Variants in SCAPER observed in about 807,000 individuals in gnomAD.
SCAPER encodes the protein S phase cyclin A-associated protein in the endoplasmic reticulum.
In SCAPER, 98 loss-of-function variants were observed where a neutral mutation model predicts 182.2. The observed-to-expected ratio is 0.54, with a 90% CI of 0.46 to 0.64. The LOEUF is 0.64. Ranked by LOEUF, SCAPER falls within the 30% of genes least tolerant of loss-of-function variation. The pLI is 0.00. For synonymous variants in SCAPER, 605 were observed against 564.6 expected, an observed-to-expected ratio of 1.07 and a Z score of -1.01; for missense variants, 1,432 against 1,690.0, an observed-to-expected ratio of 0.85 and a Z score of 2.68.
intron 26 of SCAPER, among the ~76,000 whole-genome samples, chr15:76,426,727 G>C (rs2046462545): frequency 6.6e-6 from 1 of 152,034 alleles, no homozygotes; most frequent in Non-Finnish European, 1.5e-5. Context: ...AAAATTCATA[G>C]AGAACCAAAA....
At chr15:76,813,248 A>AAAAAAAAAAAAAAACAC (rs2066803269) in intron 5 of SCAPER, among the ~76,000 whole-genome samples, 1 of 61,742 alleles carries the variant, frequency 1.6e-5, no homozygotes, top group African/African-American at 3.2e-5. Context: ...AAAAAAAAAA[A>AAAAAAAAAAAAAAACAC]AAAAAAACAA....
chr15:76,701,939 G>T, intron 19 of SCAPER, 74 bp from the exon 20 acceptor site: 1 of 994,180 alleles, frequency 1.0e-6, no homozygotes, highest in Non-Finnish European at 1.6e-6. Flanking sequence ...ATTCAGTCCA[G>T]TATATGATAT....
At position 76,713,107 on chromosome 15, in the gene SCAPER, C is replaced by A. The variant is rs527687233; in HGVS notation, c.2166-7123G>T. Among the ~76,000 whole-genome samples the A allele has an allele frequency of 3.0e-4, 46 of 152,168 alleles. 1 individual carries two copies. In the East Asian group the frequency reaches 8.7e-3, roughly 29 times the overall value. On this transcript the variant is annotated intron_variant, in intron 17 of 31. Transcript: ENST00000563290. ...AGATAGCTCTTATTATTTTGAGATA[C>A]GTACCATCAATACAGGAAACAACAG...
At chr15:76,656,145 T>C (rs1217903685) in intron 21 of SCAPER, among the ~76,000 whole-genome samples, 1 of 152,150 alleles carries the variant, frequency 6.6e-6, no homozygotes, top group Non-Finnish European at 1.5e-5. Context: ...CAACCATATG[T>C]TGTCTTCAAT....
At chr15:76,791,181 G>A (rs1327043822) in intron 8 of SCAPER, among the ~76,000 whole-genome samples, 3 of 152,154 alleles carry the variant, frequency 2.0e-5, no homozygotes, top group Non-Finnish European at 4.4e-5. Flanking sequence ...CCTGAAATTT[G>A]TTAAGACATG....
intron 23 of SCAPER, among the ~76,000 whole-genome samples, chr15:76,537,163 A>G (rs62030364): frequency 0.36 from 54,587 of 150,104 alleles, 10,102 homozygotes; most frequent in East Asian, 0.58. Context: ...TATAGATTCA[A>G]TGCCATCCCC....
chr15:76,395,472 A>G (rs1157543219), intron 27 of SCAPER, among the ~76,000 whole-genome samples: 1 of 152,192 alleles, frequency 6.6e-6, no homozygotes, highest in African/African-American at 2.4e-5. Flanking sequence ...CCAACAGCGT[A>G]TGAGGGTTCC....
At chr15:76,626,278 T>G (rs1442366983) in intron 21 of SCAPER, among the ~76,000 whole-genome samples, 1 of 152,214 alleles carries the variant, frequency 6.6e-6, no homozygotes, top group South Asian at 2.1e-4. Context: ...TGATTCACTT[T>G]TAGCATTCAA....
rs2044200124 is a variant in SCAPER at position 76,536,746 on chromosome 15, T to C, written c.2839-31772A>G. Among the ~76,000 whole-genome samples, 4 of 151,956 alleles carry C rather than the reference T, an allele frequency of 2.6e-5. No individual in the cohort carries two copies. In the South Asian group the frequency reaches 8.3e-4, roughly 32 times the overall value. The stretch of plus-strand genomic sequence containing the variant: ...TTAGGCAGGAGAAGGAAATAAAGGG[T>C]ATTCAATTAGGAAAAGAGGAAGTCA... On this transcript the variant is annotated intron_variant, in intron 23 of 31. Transcript: ENST00000563290.
At chr15:76,666,276 G>GGTAAGTATATT (rs2056571222) in intron 20 of SCAPER, among the ~76,000 whole-genome samples, 1 of 152,160 alleles carries the variant, frequency 6.6e-6, no homozygotes, top group East Asian at 1.9e-4. Flanking sequence ...TATTTGGCCT[G>GGTAAGTATATT]TGAGTAGGGT....
chr15:76,721,201 C>G (rs1263051004), intron 17 of SCAPER, among the ~76,000 whole-genome samples: 2 of 152,080 alleles, frequency 1.3e-5, no homozygotes, highest in South Asian at 2.1e-4. Flanking sequence ...CCCATTGCTT[C>G]TTTTTCTCAG....
intron 21 of SCAPER, among the ~76,000 whole-genome samples, chr15:76,640,825 G>A (rs1267837403): frequency 6.6e-6 from 1 of 152,166 alleles, no homozygotes; most frequent in African/African-American, 2.4e-5. Flanking sequence ...TGCCAGGTTG[G>A]ACTGCCAGAA....
At chr15:76,652,079 C>T (rs1028159304) in intron 21 of SCAPER, among the ~76,000 whole-genome samples, 6 of 149,416 alleles carry the variant, frequency 4.0e-5, no homozygotes, top group African/African-American at 1.5e-4. Flanking sequence ...AACACCCCTT[C>T]ATGATGAAAA....
At chr15:76,508,870 ATAG>A (rs2041809543) in intron 23 of SCAPER, among the ~76,000 whole-genome samples, 1 of 152,192 alleles carries the variant, frequency 6.6e-6, no homozygotes, top group African/African-American at 2.4e-5. Context: ...GATTTGTTTC[ATAG>A]TACCATAAGT....
At chr15:76,404,862 TGTAA>T (rs979239311) in intron 26 of SCAPER, among the ~76,000 whole-genome samples, 183 bp from the exon 27 acceptor site, 14 of 152,226 alleles carry the variant, frequency 9.2e-5, no homozygotes, top group Non-Finnish European at 1.5e-4. Context: ...CAGCTCTTTC[TGTAA>T]GTATTTTTTT....
At chr15:76,616,885 C>A (rs1220105258) in intron 22 of SCAPER, among the ~76,000 whole-genome samples, 1 of 152,148 alleles carries the variant, frequency 6.6e-6, no homozygotes, top group Non-Finnish European at 1.5e-5. Context: ...TTCCTCACAG[C>A]ATTAAAATGT....
At chr15:76,358,731 A>T (rs1051715209) in intron 29 of SCAPER, among the ~76,000 whole-genome samples, 5 of 152,220 alleles carry the variant, frequency 3.3e-5, no homozygotes, top group African/African-American at 1.2e-4. Context: ...TTAACATATG[A>T]ATTCTGGGAA....
chr15:76,544,449 T>C (rs1319391503), intron 23 of SCAPER, among the ~76,000 whole-genome samples: 1 of 152,210 alleles, frequency 6.6e-6, no homozygotes, highest in Non-Finnish European at 1.5e-5. Context: ...AATGGAATAC[T>C]ACTGTATACA....
intron 29 of SCAPER, among the ~76,000 whole-genome samples, chr15:76,357,150 TCACACACACACA>T (rs55912416): frequency 4.7e-5 from 6 of 128,858 alleles, no homozygotes; most frequent in African/African-American, 1.4e-4. Flanking sequence ...TTTATTGACA[TCACACACACACA>T]CACACACACA....
Sources: gnomAD v4.1 joint callset for allele counts (sites outside exome capture counted in the v4.1 genomes callset) on GRCh38, gnomAD v4.1.1 for gene constraint, MANE v1.5 for transcripts, NCBI Gene and HGNC (gene_info 2026-07-23, HGNC 2026-07-21) for gene names.